Variants in FYCO1 observed in about 807,000 individuals in gnomAD.
The protein encoded by FYCO1 is FYVE and coiled-coil domain-containing protein 1.
A neutral mutation model predicts 165.1 loss-of-function variants in FYCO1; 122 were observed. That is an observed-to-expected ratio of 0.74 (90% CI 0.64 to 0.86). The LOEUF (loss-of-function observed/expected upper bound fraction) is 0.86. Ranked by LOEUF, FYCO1 falls within the 40% of genes least tolerant of loss-of-function variation. The pLI is 0.00. For synonymous variants in FYCO1, 648 were observed against 742.5 expected (o/e 0.87, Z 2.07); for missense variants, 1,702 against 1,810.3 (o/e 0.94, Z 1.09).
intron 14 of FYCO1, 75 bp downstream of exon 14, chr3:45,955,174 C>T: frequency 6.5e-7 from 1 of 1,541,350 alleles, no homozygotes; most frequent in Non-Finnish European, 8.9e-7. Context: ...TCTCACTTTC[C>T]TCATCCTTTG....
chr3:45,935,853 G>A (rs1156304942), intron 15 of FYCO1, among the ~76,000 whole-genome samples: 1 of 152,114 alleles, frequency 6.6e-6, no homozygotes, highest in Non-Finnish European at 1.5e-5. Context: ...GGCACATTGT[G>A]ATAATTAATA....
intron 13 of FYCO1, among the ~76,000 whole-genome samples, chr3:45,957,920 T>C (rs1380500419): frequency 6.6e-6 from 1 of 152,226 alleles, no homozygotes; most frequent in African/African-American, 2.4e-5. Context: ...TAGGGTGTGC[T>C]CAAAACCGAA....
intron 2 of FYCO1, among the ~76,000 whole-genome samples, chr3:45,984,099 T>G (rs1448876487): frequency 6.6e-6 from 1 of 152,096 alleles, no homozygotes; most frequent in Non-Finnish European, 1.5e-5. Context: ...CTTCAGACTG[T>G]GTAGTATCAA....
At chr3:45,974,062 C>G (rs1022824731) in intron 5 of FYCO1, among the ~76,000 whole-genome samples, 2 of 151,978 alleles carry the variant, frequency 1.3e-5, no homozygotes, top group African/African-American at 2.4e-5. Flanking sequence ...CTACCCCAAC[C>G]CCCTACCCCA....
At chr3:45,983,160 T>C (rs1208368849) in intron 2 of FYCO1, among the ~76,000 whole-genome samples, 8 of 152,206 alleles carry the variant, frequency 5.3e-5, no homozygotes, top group African/African-American at 1.7e-4. Flanking sequence ...CAACTGTGCG[T>C]TGGAAAGGTG....
At chr3:45,923,800 G>A (rs1703198001) in intron 16 of FYCO1, 35 bp from the exon 17 acceptor site, 2 of 1,375,664 alleles carry the variant, frequency 1.5e-6, no homozygotes, top group Non-Finnish European at 2.1e-6. Flanking sequence ...AAACATCACA[G>A]AGGCTGAGAG....
At chr3:45,948,974 CA>C (rs941421388) in intron 14 of FYCO1, among the ~76,000 whole-genome samples, 1 of 152,072 alleles carries the variant, frequency 6.6e-6, no homozygotes, top group Non-Finnish European at 1.5e-5. Context: ...AGAAAAGGTC[CA>C]AAAAATAGCA....
At chr3:45,961,656 G>A (rs911144050) in intron 11 of FYCO1, among the ~76,000 whole-genome samples, 1 of 152,132 alleles carries the variant, frequency 6.6e-6, no homozygotes, top group African/African-American at 2.4e-5. Flanking sequence ...ATTTATGGAT[G>A]AAATGATATG....
intron 15 of FYCO1, among the ~76,000 whole-genome samples, chr3:45,933,701 G>A (rs1703745105): frequency 6.6e-6 from 1 of 152,106 alleles, no homozygotes; most frequent in Non-Finnish European, 1.5e-5. Context: ...CAACAGCTTA[G>A]CGTCTCTGAG....
chr3:45,959,275 C>T (rs865785406), intron 12 of FYCO1, 118 bp downstream of exon 12: 12 of 1,147,046 alleles, frequency 1.0e-5, no homozygotes, highest in South Asian at 9.9e-5. Context: ...GCAATGTGCT[C>T]TTCCTAAATA....
intron 11 of FYCO1, among the ~76,000 whole-genome samples, chr3:45,960,039 G>A (rs1465128061): frequency 6.6e-6 from 1 of 152,176 alleles, no homozygotes; most frequent in Non-Finnish European, 1.5e-5. Context: ...CTGATCAGAT[G>A]TTAGCCTCCT....
chr3:45,953,370 T>G (rs763328974), intron 14 of FYCO1, among the ~76,000 whole-genome samples: 1 of 152,280 alleles, frequency 6.6e-6, no homozygotes, highest in East Asian at 1.9e-4. Context: ...TTTCTTGAGG[T>G]TCTGAACAGC....
In FYCO1 at chr3:45,967,519, C is replaced by G. The variant is rs201265257; in HGVS notation, c.1815G>C (p.Val605=). The part of the protein sequence containing the change: ...LQEAQLDDTK[V]QEGSQEEELR... ...GCTCTTCCTCCTGGCTGCCCTCTTGCACCTTGGTATCGTCTAACTGTGCCT... is the reference window on the plus strand; with the variant it reads ...GCTCTTCCTCCTGGCTGCCCTCTTGGACCTTGGTATCGTCTAACTGTGCCT... The change falls in exon 8 of 18, where the codon GTG becomes GTC. Residue 605 remains valine, a synonymous_variant. Coordinates refer to ENST00000296137, the MANE Select transcript of FYCO1 (RefSeq NM_024513.4). The G allele has an allele frequency of 1.9e-6, 3 of 1,613,708 alleles. No homozygotes were observed. The East Asian group carries it at 6.7e-5, about 36-fold the overall frequency.
chr3:45,971,874 G>C (rs1292675179), intron 6 of FYCO1, among the ~76,000 whole-genome samples: 1 of 152,104 alleles, frequency 6.6e-6, no homozygotes, highest in African/African-American at 2.4e-5. Flanking sequence ...TAGCAGTATT[G>C]TATCAATGCT....
intron 17 of FYCO1, among the ~76,000 whole-genome samples, chr3:45,922,414 G>A (rs1464346422): frequency 6.6e-6 from 1 of 152,192 alleles, no homozygotes; most frequent in Non-Finnish European, 1.5e-5. Flanking sequence ...CCACAGTGTG[G>A]TTGCCACTGC....
In FYCO1 at chr3:45,965,202, C is replaced by T. The variant is rs953051279; in HGVS notation, c.3058-77G>A. ...GGATCCCTCAGCCCCCTCACCCAAACAGATAAAACCAAGCTAACTTTCTCT... is the reference window on the plus strand; with the variant it reads ...GGATCCCTCAGCCCCCTCACCCAAATAGATAAAACCAAGCTAACTTTCTCT... On this transcript the variant is annotated intron_variant, in intron 8 of 17. Coordinates refer to ENST00000296137, the MANE Select transcript of FYCO1 (RefSeq NM_024513.4). The T allele has an allele frequency of 1.9e-5, 21 of 1,102,544 alleles. No individual in the cohort carries two copies. In the African/African-American group the frequency reaches 2.2e-4, roughly 11 times the overall value. The allele number at this position is 1,102,544 out of a possible 1,614,324, so 68.3% of individuals were successfully genotyped here. A position where few individuals can be genotyped will look rare whatever the true frequency, so the allele number is the denominator to read the frequency against.
intron 14 of FYCO1, among the ~76,000 whole-genome samples, chr3:45,941,645 C>T (rs114419099): frequency 1.0e-3 from 156 of 152,282 alleles, no homozygotes; most frequent in African/African-American, 3.5e-3. Flanking sequence ...AGAATGGCCA[C>T]GATAAACAAG....
At chr3:45,938,972 T>C (rs1263909673) in intron 14 of FYCO1, among the ~76,000 whole-genome samples, 1 of 152,210 alleles carries the variant, frequency 6.6e-6, no homozygotes, top group Non-Finnish European at 1.5e-5. Context: ...CCCCACCTCC[T>C]ACTACAGCTG....
intron 6 of FYCO1, 28 bp downstream of exon 6, chr3:45,973,059 CT>C (rs1706531808): frequency 6.2e-7 from 1 of 1,613,648 alleles, no homozygotes; most frequent in African/African-American, 1.3e-5. Context: ...CTTTTCCTGT[CT>C]TTTAAACCAA....
Sources: allele counts gnomAD v4.1 joint callset (sites outside exome capture counted in the v4.1 genomes callset), GRCh38; gene constraint gnomAD v4.1.1; transcripts MANE v1.5; gene names NCBI Gene and HGNC (gene_info 2026-07-23, HGNC 2026-07-21).